SOS2: variants seen among roughly 807,000 people sequenced by gnomAD.
The protein encoded by SOS2 is SOS Ras/Rho guanine nucleotide exchange factor 2.
A neutral mutation model predicts 148.2 loss-of-function variants in SOS2; 65 were observed. The ratio of observed to expected loss-of-function variants is 0.44; its 90% CI spans 0.36 to 0.54. The LOEUF (loss-of-function observed/expected upper bound fraction) is 0.54. Among genes scored for constraint, SOS2 ranks in the 20% least tolerant of loss-of-function variants. SOS2 has a pLI of 0.00. For missense variants in SOS2, 1,341 were observed against 1,590.2 expected (o/e 0.84, Z 2.67); for synonymous variants, 539 against 537.1 (o/e 1.00, Z -0.05).
intron 1 of SOS2, chr14:50,230,809 C>A (rs1887516483): frequency 2.5e-6 from 2 of 813,220 alleles, no homozygotes; most frequent in South Asian, 5.6e-5. Flanking sequence ...GGGAACACTC[C>A]CAAAGAACTT....
In SOS2 at chr14:50,128,599, T is replaced by C. The variant is rs566095633; in HGVS notation, c.3379+1362A>G. 1.2e-4 allele frequency among the ~76,000 whole-genome samples: 18 copies of C among 152,256 alleles called. 1 individual carries two copies. In the South Asian group the frequency reaches 3.1e-3, roughly 26 times the overall value. On this transcript the variant is annotated intron_variant, in intron 21 of 22. Transcript: ENST00000216373. ...CACCATAAGAGGAGATCAGTAAACA[T>C]TGTCTAAAATTAATGACTCAAGAGA...
chr14:50,192,446 C>T (rs1886172369), intron 4 of SOS2, among the ~76,000 whole-genome samples: 1 of 152,054 alleles, frequency 6.6e-6, no homozygotes, highest in African/African-American at 2.4e-5. Flanking sequence ...ATCCCAGCTA[C>T]TCAGGAGGCT....
At chr14:50,166,035 C>G (rs1885151695) in intron 8 of SOS2, among the ~76,000 whole-genome samples, 1 of 152,124 alleles carries the variant, frequency 6.6e-6, no homozygotes, top group Non-Finnish European at 1.5e-5. Context: ...AAACACTGGT[C>G]TGTGTCTAAA....
intron 4 of SOS2, among the ~76,000 whole-genome samples, chr14:50,190,560 T>C (rs1243590910): frequency 3.3e-5 from 5 of 152,222 alleles, no homozygotes; most frequent in African/African-American, 1.2e-4. Flanking sequence ...CTTAAAAAGA[T>C]ACACAAGTTT....
At chr14:50,164,111 C>A (rs756146738) in intron 8 of SOS2, among the ~76,000 whole-genome samples, 1 of 152,082 alleles carries the variant, frequency 6.6e-6, no homozygotes, top group African/African-American at 2.4e-5. Flanking sequence ...TAATATTCTA[C>A]AGATACTTAA....
chr14:50,213,060 G>T (rs904197573), intron 1 of SOS2, among the ~76,000 whole-genome samples: 1 of 152,086 alleles, frequency 6.6e-6, no homozygotes, highest in Non-Finnish European at 1.5e-5. Flanking sequence ...AATCAAGAAA[G>T]AAAAATATGG....
At chr14:50,124,099 C>A (rs1883610232) in intron 21 of SOS2, among the ~76,000 whole-genome samples, 1 of 152,028 alleles carries the variant, frequency 6.6e-6, no homozygotes, top group Admixed American at 6.6e-5. Flanking sequence ...TATTAGATAT[C>A]CAACTGGAGA....
At chr14:50,135,563 A>C (rs1884049157) in intron 18 of SOS2, among the ~76,000 whole-genome samples, 1 of 147,060 alleles carries the variant, frequency 6.8e-6, no homozygotes, top group South Asian at 2.1e-4. Context: ...ATTTATATAT[A>C]TATTTTCCTG....
At chr14:50,192,590 G>A (rs1193247495) in intron 4 of SOS2, among the ~76,000 whole-genome samples, 2 of 151,552 alleles carry the variant, frequency 1.3e-5, no homozygotes, top group African/African-American at 2.4e-5. Flanking sequence ...AAGGCCAGGC[G>A]CAGTAGCTCA....
At chr14:50,166,670 A>C (rs8019233) in intron 8 of SOS2, among the ~76,000 whole-genome samples, 136,758 of 152,166 alleles carry the variant, frequency 0.9, 61,625 homozygotes, top group African/African-American at 0.95. Flanking sequence ...CTGTATGAGA[A>C]TTCACTGAAA....
At chr14:50,168,398 T>G (rs1009836300) in intron 8 of SOS2, among the ~76,000 whole-genome samples, 3 of 152,164 alleles carry the variant, frequency 2.0e-5, no homozygotes, top group Non-Finnish European at 2.9e-5. Context: ...ATTTTAAAAA[T>G]TTTTGTAGAG....
chr14:50,222,630 T>C lies in SOS2; in HGVS notation c.87+8567A>G, dbSNP rs1234154505. 4.6e-5 allele frequency among the ~76,000 whole-genome samples: 7 copies of C among 152,108 alleles called. No individual in the cohort carries two copies. The South Asian group carries it at 1.5e-3, about 32-fold the overall frequency. ...TTATCTGAGGGAAGGGTGTTTCAGGTAGAAAATTCAGCAAGTACAAAAGTC... is the reference window on the plus strand; with the variant it reads ...TTATCTGAGGGAAGGGTGTTTCAGGCAGAAAATTCAGCAAGTACAAAAGTC... On this transcript the variant is annotated intron_variant, in intron 1 of 22. Coordinates refer to ENST00000216373, the MANE Select transcript of SOS2 (RefSeq NM_006939.4).
At chr14:50,170,558 C>G (rs1885327578) in intron 8 of SOS2, among the ~76,000 whole-genome samples, 1 of 151,936 alleles carries the variant, frequency 6.6e-6, no homozygotes, top group Admixed American at 6.6e-5. Context: ...TGGTAGCACA[C>G]ATCCGTAGTC....
At chr14:50,194,347 A>G (rs1391186019) in intron 4 of SOS2, among the ~76,000 whole-genome samples, 1 of 152,198 alleles carries the variant, frequency 6.6e-6, no homozygotes, top group African/African-American at 2.4e-5. Context: ...ATGTGAAATA[A>G]TAGCTAACTA....
chr14:50,209,612 A>T (rs962319423), intron 1 of SOS2, among the ~76,000 whole-genome samples: 1 of 152,038 alleles, frequency 6.6e-6, no homozygotes, highest in African/African-American at 2.4e-5. Flanking sequence ...ACAAAAAATT[A>T]GCCAGATGTG....
chr14:50,186,287 G>A (rs917058617), intron 5 of SOS2, among the ~76,000 whole-genome samples: 38 of 152,100 alleles, frequency 2.5e-4, no homozygotes, highest in African/African-American at 8.9e-4. Flanking sequence ...TGTCATATCA[G>A]CACTAATCCA....
chr14:50,195,472 T>A (rs568367176), intron 4 of SOS2, among the ~76,000 whole-genome samples: 98 of 152,008 alleles, frequency 6.4e-4, no homozygotes, highest in African/African-American at 2.2e-3. Flanking sequence ...TAAAAAAAAA[T>A]AGTTTATGGC....
At position 50,118,395 on chromosome 14, in the gene SOS2, G is replaced by A; in HGVS notation, c.3948C>T (p.His1316=). ...GCAAAGGCAGTCTGTACAATGGGGG[G>A]TGCGAAAGCTCCCGTTTGTAAGTCT... is the stretch of plus-strand genomic sequence containing the variant. ...PPKTYKRELS[H]PPLYRLPLLE... Residue 1316 remains histidine, a synonymous_variant, in exon 23 of 23, where the codon CAC becomes CAT. Coordinates refer to ENST00000216373, the MANE Select transcript of SOS2 (RefSeq NM_006939.4). 1.2e-6 allele frequency: 2 copies of A among 1,614,134 alleles called. No homozygotes were observed. The highest frequency in any genetic ancestry group is 8.5e-7 in the Non-Finnish European group (1 of 1,180,000).
chr14:50,151,809 A>G (rs959510869), intron 13 of SOS2, among the ~76,000 whole-genome samples: 1 of 152,030 alleles, frequency 6.6e-6, no homozygotes, highest in Non-Finnish European at 1.5e-5. Context: ...TGCAGCCTCG[A>G]GCTCTGGGCT....
Sources: allele counts gnomAD v4.1 joint callset (sites outside exome capture counted in the v4.1 genomes callset), GRCh38; gene constraint gnomAD v4.1.1; transcripts MANE v1.5; gene names NCBI Gene and HGNC (gene_info 2026-07-23, HGNC 2026-07-21).